Variants in ARB2A observed in about 807,000 individuals in gnomAD.
The protein encoded by ARB2A is ARB2 cotranscriptional regulator A.
chr5:94,094,503 T>C, the ARB2A span, among the ~76,000 whole-genome samples: 5 of 152,194 alleles, frequency 3.3e-5, no homozygotes, highest in African/African-American at 9.7e-5. Flanking sequence ...ATTCAGTCAA[T>C]AGCAATTAGA....
the ARB2A span, among the ~76,000 whole-genome samples, chr5:93,723,566 A>G: frequency 6.6e-6 from 1 of 152,124 alleles, no homozygotes; most frequent in Non-Finnish European, 1.5e-5. Context: ...TAAGAACAGT[A>G]ACTTCTGTAA....
the ARB2A span, among the ~76,000 whole-genome samples, chr5:94,018,336 A>C: frequency 3.9e-5 from 6 of 152,164 alleles, no homozygotes; most frequent in African/African-American, 1.4e-4. Flanking sequence ...AAAGTCAGCC[A>C]CTATTTCCCT....
chr5:93,944,039 T>A, the ARB2A span, among the ~76,000 whole-genome samples: 1 of 152,190 alleles, frequency 6.6e-6, no homozygotes, highest in Non-Finnish European at 1.5e-5. Context: ...AGTTTCATTA[T>A]AATTTAAATA....
chr5:93,776,106 AT>A, the ARB2A span: 1 of 1,374,998 alleles, frequency 7.3e-7, no homozygotes, highest in Non-Finnish European at 1.0e-6. Context: ...TCATTAGCAT[AT>A]TTTTCACCCT....
the ARB2A span, among the ~76,000 whole-genome samples, chr5:94,017,919 C>T: frequency 6.6e-6 from 1 of 152,122 alleles, no homozygotes; most frequent in African/African-American, 2.4e-5. Context: ...GGAGGCCGTT[C>T]TTTTCCATGC....
the ARB2A span, among the ~76,000 whole-genome samples, chr5:93,787,691 C>G: frequency 6.6e-6 from 1 of 152,140 alleles, no homozygotes; most frequent in Non-Finnish European, 1.5e-5. Context: ...TAATACATAA[C>G]ACTCTTACAT....
chr5:93,938,501 C>A, the ARB2A span, among the ~76,000 whole-genome samples: 3 of 152,212 alleles, frequency 2.0e-5, no homozygotes, highest in African/African-American at 7.2e-5. Context: ...TTAGTGCTTC[C>A]TACACAACCT....
chr5:93,765,343 A>C, the ARB2A span, among the ~76,000 whole-genome samples: 1 of 152,266 alleles, frequency 6.6e-6, no homozygotes, highest in Non-Finnish European at 1.5e-5. Flanking sequence ...CAACTTCAGC[A>C]AAGTCTCAGG....
chr5:93,633,445 G>A, the ARB2A span, among the ~76,000 whole-genome samples: 1 of 152,032 alleles, frequency 6.6e-6, no homozygotes, highest in Non-Finnish European at 1.5e-5. Flanking sequence ...CCTTAATTAG[G>A]CTTAAGGCCT....
the ARB2A span, chr5:94,111,435 G>T: frequency 2.0e-5 from 3 of 153,618 alleles, no homozygotes; most frequent in South Asian, 5.6e-4. Flanking sequence ...GCCTGAGACC[G>T]ACCCAGGCCA....
the ARB2A span, among the ~76,000 whole-genome samples, chr5:94,111,143 T>A: frequency 6.6e-6 from 1 of 152,224 alleles, no homozygotes; most frequent in Admixed American, 6.5e-5. Context: ...TGGCAGTTAA[T>A]AATACTTTTT....
chr5:93,972,097 GA>G, the ARB2A span, among the ~76,000 whole-genome samples: 1 of 152,162 alleles, frequency 6.6e-6, no homozygotes, highest in African/African-American at 2.4e-5. Context: ...TGGCCTTAAA[GA>G]GACAACTTCT....
the ARB2A span, among the ~76,000 whole-genome samples, chr5:93,787,227 T>C: frequency 1.6e-4 from 24 of 152,166 alleles, no homozygotes; most frequent in Admixed American, 1.4e-3. Flanking sequence ...AATTATGAAA[T>C]ATCCAGTAAG....
the ARB2A span, among the ~76,000 whole-genome samples, chr5:93,653,322 T>C: frequency 3.5e-3 from 521 of 150,954 alleles, 2 homozygotes; most frequent in Non-Finnish European, 5.4e-3. Context: ...TCCTGGCTAA[T>C]ACGGTGAAAC....
chr5:93,703,545 A>G, the ARB2A span, among the ~76,000 whole-genome samples: 1 of 152,212 alleles, frequency 6.6e-6, no homozygotes, highest in Non-Finnish European at 1.5e-5. Flanking sequence ...GCACTGAAAA[A>G]GTGTTTAGAT....
chr5:93,829,973 T>C, the ARB2A span, among the ~76,000 whole-genome samples: 3 of 152,162 alleles, frequency 2.0e-5, no homozygotes, highest in South Asian at 4.1e-4. Context: ...AAACTAACCA[T>C]ACATATTTAG....
At chr5:93,959,049 T>C in the ARB2A span, 2 of 870,696 alleles carry the variant, frequency 2.3e-6, no homozygotes, top group African/African-American at 3.4e-5. Flanking sequence ...CTAATGGCTG[T>C]TACAAAGTAT....
the ARB2A span, among the ~76,000 whole-genome samples, chr5:93,832,202 G>C: frequency 6.6e-6 from 1 of 152,078 alleles, no homozygotes; most frequent in Non-Finnish European, 1.5e-5. Context: ...GGAATATGGC[G>C]TGTTAACTTA....
At chr5:93,969,365 G>A in the ARB2A span, among the ~76,000 whole-genome samples, 4 of 151,976 alleles carry the variant, frequency 2.6e-5, no homozygotes, top group Non-Finnish European at 4.4e-5. Context: ...AGAAACACTG[G>A]AAAGAAAAAT....
Sources: gnomAD v4.1 joint callset for allele counts (sites outside exome capture counted in the v4.1 genomes callset) on GRCh38, gnomAD v4.1.1 for gene constraint, MANE v1.5 for transcripts, NCBI Gene and HGNC (gene_info 2026-07-23, HGNC 2026-07-21) for gene names.